CDKN2AIPNL: variants seen among roughly 807,000 people sequenced by gnomAD.
CDKN2AIPNL encodes XRN2 binding domain containing 1.
In CDKN2AIPNL, 9 loss-of-function variants were observed where a neutral mutation model predicts 12.9. The ratio of observed to expected loss-of-function variants is 0.70; its 90% CI spans 0.42 to 1.22. The LOEUF (loss-of-function observed/expected upper bound fraction) is 1.22. Among genes scored for constraint, CDKN2AIPNL ranks in the 50% most tolerant of loss-of-function variants. The probability of loss-of-function intolerance (pLI) is 0.00; values close to 1 mark genes in which losing one functional copy is unlikely to be tolerated. For synonymous variants in CDKN2AIPNL, 53 were observed against 61.7 expected (o/e 0.86, Z 0.66); for missense variants, 143 against 153.6 (o/e 0.93, Z 0.37).
intron 2 of CDKN2AIPNL, among the ~76,000 whole-genome samples, chr5:134,407,915 G>C (rs1447135718): frequency 6.6e-6 from 1 of 152,094 alleles, no homozygotes; most frequent in African/African-American, 2.4e-5. Flanking sequence ...CAGATCACTT[G>C]AGGCCAGGAG....
chr5:134,405,108 CT>C (rs66512248), intron 2 of CDKN2AIPNL, among the ~76,000 whole-genome samples: 98,444 of 131,576 alleles, frequency 0.75, 38,274 homozygotes, highest in East Asian at 0.92. Context: ...CGTCATTTTT[CT>C]TTTTTTTTTT....
intron 2 of CDKN2AIPNL, among the ~76,000 whole-genome samples, chr5:134,409,464 A>AT (rs913178955): frequency 2.6e-5 from 4 of 152,226 alleles, no homozygotes; most frequent in Non-Finnish European, 4.4e-5. Flanking sequence ...GAGAACAGCT[A>AT]TGCCATCGAC....
At chr5:134,407,256 A>ACACACACACACAC (rs1759118693) in intron 2 of CDKN2AIPNL, among the ~76,000 whole-genome samples, 1 of 139,610 alleles carries the variant, frequency 7.2e-6, no homozygotes, top group Non-Finnish European at 1.5e-5. Flanking sequence ...GACCCTTCCT[A>ACACACACACACAC]ACACACACAC....
chr5:134,403,464 T>G (rs1043729873), intron 2 of CDKN2AIPNL, among the ~76,000 whole-genome samples: 3 of 152,208 alleles, frequency 2.0e-5, no homozygotes, highest in African/African-American at 7.2e-5. Flanking sequence ...AAACTTGGCT[T>G]TAGACAACTT....
chr5:134,403,340 T>C (rs1458297081), intron 2 of CDKN2AIPNL, among the ~76,000 whole-genome samples: 1 of 152,240 alleles, frequency 6.6e-6, no homozygotes, highest in African/African-American at 2.4e-5. Flanking sequence ...GATGTGAAGG[T>C]TATATATTTC....
intron 2 of CDKN2AIPNL, among the ~76,000 whole-genome samples, 172 bp downstream of exon 2, chr5:134,409,731 C>T (rs1759162324): frequency 1.3e-5 from 2 of 152,202 alleles, no homozygotes; most frequent in South Asian, 2.1e-4. Flanking sequence ...AGTGAGTTGT[C>T]AACTATTTAT....
At chr5:134,405,050 GCTGGGATT>G (rs1185966688) in intron 2 of CDKN2AIPNL, among the ~76,000 whole-genome samples, 2 of 151,582 alleles carry the variant, frequency 1.3e-5, no homozygotes, top group Non-Finnish European at 2.9e-5. Context: ...TCCCCAAAGT[GCTGGGATT>G]ATAGGCATGA....
chr5:134,402,974 A>C, intron 2 of CDKN2AIPNL, 48 bp from the exon 3 acceptor site: 1 of 1,534,432 alleles, frequency 6.5e-7, no homozygotes, highest in Non-Finnish European at 8.9e-7. Context: ...TAGTCCAGTG[A>C]ATCAAATTCA....
At chr5:134,409,611 C>T (rs1454211244) in intron 2 of CDKN2AIPNL, among the ~76,000 whole-genome samples, 1 of 152,156 alleles carries the variant, frequency 6.6e-6, no homozygotes, top group Non-Finnish European at 1.5e-5. Context: ...CTTAAGTATT[C>T]TAGCCAACAT....
At position 134,402,766 on chromosome 5, in the gene CDKN2AIPNL, A is replaced by C. The variant is rs111300424; in HGVS notation, c.*149T>G. Reference sequence around the variant, plus strand: ...GGAAAATGAGAATGTTAAAAAAGCCAATCTAGACAGAGTCCTTCTCATTCC... The same window carrying C: ...GGAAAATGAGAATGTTAAAAAAGCCCATCTAGACAGAGTCCTTCTCATTCC... On this transcript the variant is annotated 3_prime_UTR_variant, in exon 3 of 3. Coordinates refer to ENST00000458198, the MANE Select transcript of CDKN2AIPNL (RefSeq NM_080656.3). The C allele has an allele frequency of 8.5e-6, 5 of 587,634 alleles. No individual in the cohort carries two copies. Among genetic ancestry groups the C allele is most frequent in the African/African-American group, 3.7e-5 (2 of 53,362 alleles). The allele number at this position is 587,634 out of a possible 1,614,324, so 36.4% of individuals were successfully genotyped here. A position where few individuals can be genotyped will look rare whatever the true frequency, so the allele number is the denominator to read the frequency against.
rs1759166933 is a variant in CDKN2AIPNL at position 134,409,964 on chromosome 5, G to A, written c.278C>T (p.Ala93Val). The A allele has an allele frequency of 1.2e-6, 2 of 1,612,472 alleles. No individual in the cohort carries two copies. Among genetic ancestry groups the A allele is most frequent in the African/African-American group, 1.3e-5 (1 of 74,828 alleles). ...CAGGTCTTCCACTTCAATCCCATCG[G>A]CCATTTCCATCACCTTGTCTAAAAG... ...KDLLDKVMEM[A>V]DGIEVEDLPQ... The change falls in exon 2 of 3, where the codon GCC becomes GTC. Residue 93 changes from alanine (A) to valine (V), a missense_variant. Transcript: ENST00000458198.
intron 2 of CDKN2AIPNL, among the ~76,000 whole-genome samples, chr5:134,404,810 C>T (rs962009462): frequency 2.6e-5 from 4 of 151,948 alleles, no homozygotes; most frequent in Non-Finnish European, 5.9e-5. Context: ...TTTTTTGAAA[C>T]AGTCTCACTC....
Position 134,411,848 on chromosome 5 carries a change from C to T in CDKN2AIPNL, c.7G>A (p.Gly3Ser), listed in dbSNP as rs757562450. The change falls in exon 1 of 3, where the codon GGT becomes AGT. Residue 3 changes from glycine (G) to serine (S), a missense_variant. Gly to Ser is a moderately conservative substitution (Grantham distance 56). Coordinates refer to ENST00000458198, the MANE Select transcript of CDKN2AIPNL (RefSeq NM_080656.3). Reference protein sequence around the residue: MVGGEAAAAVEEL... With the variant: MVSGEAAAAVEEL... ...TCCACTGCGGCAGCCGCCTCGCCACCGACCATGGTGCCCGCCGCAGCCGAG... is the reference window on the plus strand; with the variant it reads ...TCCACTGCGGCAGCCGCCTCGCCACTGACCATGGTGCCCGCCGCAGCCGAG... 17 of 1,563,232 alleles carry T rather than the reference C, an allele frequency of 1.1e-5. No homozygotes were observed. Among genetic ancestry groups the T allele is most frequent in the Non-Finnish European group, 1.5e-5 (17 of 1,154,814 alleles).
At position 134,406,490 on chromosome 5, in the gene CDKN2AIPNL, C is replaced by T. The variant is rs539506712; in HGVS notation, c.339+3413G>A. Among the ~76,000 whole-genome samples, 5 of 152,298 alleles carry T rather than the reference C, an allele frequency of 3.3e-5. No homozygotes were observed. In the East Asian group the frequency reaches 9.6e-4, roughly 29 times the overall value. The stretch of plus-strand genomic sequence containing the variant: ...GCAAAGGATGAAACTGCTGCAAAGT[C>T]CTCATGGCTCTCTTTCCAGTGGCAT... On this transcript the variant is annotated intron_variant, in intron 2 of 2. Coordinates refer to ENST00000458198, the MANE Select transcript of CDKN2AIPNL (RefSeq NM_080656.3).
chr5:134,405,503 A>AC, intron 2 of CDKN2AIPNL, among the ~76,000 whole-genome samples: 1 of 139,912 alleles, frequency 7.1e-6, no homozygotes, highest in East Asian at 2.1e-4. Context: ...TGCAACCTCC[A>AC]CCTCCCGGGT....
At chr5:134,407,632 G>A (rs545048755) in intron 2 of CDKN2AIPNL, among the ~76,000 whole-genome samples, 41 of 151,978 alleles carry the variant, frequency 2.7e-4, no homozygotes, top group South Asian at 4.2e-4. Context: ...AAAAATAGCC[G>A]CGCGTGGTGG....
chr5:134,408,274 G>A (rs560194188), intron 2 of CDKN2AIPNL, among the ~76,000 whole-genome samples: 1 of 151,932 alleles, frequency 6.6e-6, no homozygotes, highest in South Asian at 2.1e-4. Flanking sequence ...GAACACCCAA[G>A]GACTGCCCAG....
chr5:134,410,759 G>A, intron 1 of CDKN2AIPNL: 2 of 497,392 alleles, frequency 4.0e-6, no homozygotes, highest in Non-Finnish European at 7.2e-6. Flanking sequence ...GCAAAACCAA[G>A]TGGCTTAGGC....
chr5:134,408,363 A>G (rs1355242640), intron 2 of CDKN2AIPNL, among the ~76,000 whole-genome samples: 1 of 151,940 alleles, frequency 6.6e-6, no homozygotes, highest in African/African-American at 2.4e-5. Flanking sequence ...TAAAAACAGT[A>G]GCCCCTTTTT....
Sources: allele counts gnomAD v4.1 joint callset (sites outside exome capture counted in the v4.1 genomes callset), GRCh38; gene constraint gnomAD v4.1.1; transcripts MANE v1.5; gene names NCBI Gene and HGNC (gene_info 2026-07-23, HGNC 2026-07-21).